Variants in ADCY8 observed in about 807,000 individuals in gnomAD.
The protein encoded by ADCY8 is adenylate cyclase type 8.
Under a neutral mutation model 119.7 loss-of-function variants are expected in ADCY8, and 51 were observed. The ratio of observed to expected loss-of-function variants is 0.43; its 90% confidence interval spans 0.34 to 0.54. The LOEUF is 0.54. Among genes scored for constraint, ADCY8 ranks in the 20% least tolerant of loss-of-function variants. The pLI is 0.03. For synonymous variants in ADCY8, 665 were observed against 651.0 expected (o/e 1.02, Z -0.33); for missense variants, 1,383 against 1,598.8 (o/e 0.87, Z 2.30).
chr8:130,841,369 G>A (rs1817136485), intron 11 of ADCY8, among the ~76,000 whole-genome samples: 1 of 152,082 alleles, frequency 6.6e-6, no homozygotes, highest in African/African-American at 2.4e-5. Context: ...AGATATTCTG[G>A]CTTGGGAGAT....
At chr8:130,945,837 G>A (rs2130645210) in intron 3 of ADCY8, among the ~76,000 whole-genome samples, 1 of 152,334 alleles carries the variant, frequency 6.6e-6, no homozygotes, top group Non-Finnish European at 1.5e-5. Flanking sequence ...AATGCTCTGA[G>A]AGCCCTACAT....
intron 5 of ADCY8, among the ~76,000 whole-genome samples, chr8:130,916,369 G>T (rs1290478154): frequency 6.6e-6 from 1 of 152,158 alleles, no homozygotes; most frequent in African/African-American, 2.4e-5. Flanking sequence ...GACTGCCATT[G>T]TGGTGGCCAT....
At chr8:130,882,223 T>C (rs1818804308) in intron 8 of ADCY8, among the ~76,000 whole-genome samples, 1 of 151,562 alleles carries the variant, frequency 6.6e-6, no homozygotes, top group South Asian at 2.1e-4. Flanking sequence ...GATTTTGAGA[T>C]CTAAGATCTC....
At chr8:131,039,041 C>T (rs561453057) in intron 1 of ADCY8, among the ~76,000 whole-genome samples, 3 of 152,294 alleles carry the variant, frequency 2.0e-5, no homozygotes, top group South Asian at 4.1e-4. Flanking sequence ...GATGCTTCTC[C>T]TCCCCTTCTG....
At chr8:130,793,413 C>T (rs1815484104) in intron 15 of ADCY8, among the ~76,000 whole-genome samples, 1 of 152,178 alleles carries the variant, frequency 6.6e-6, no homozygotes, top group Non-Finnish European at 1.5e-5. Flanking sequence ...TCCAAACCTT[C>T]CTTCCCATGT....
At chr8:130,955,596 A>G (rs752358815) in intron 2 of ADCY8, among the ~76,000 whole-genome samples, 1 of 152,182 alleles carries the variant, frequency 6.6e-6, no homozygotes, top group Non-Finnish European at 1.5e-5. Flanking sequence ...AAAACAGAAT[A>G]GTACAGTTAA....
intron 5 of ADCY8, among the ~76,000 whole-genome samples, chr8:130,918,354 A>C (rs1820193776): frequency 6.6e-6 from 1 of 152,158 alleles, no homozygotes; most frequent in Non-Finnish European, 1.5e-5. Flanking sequence ...TCTTCTAATA[A>C]GGGCACTAAG....
chr8:130,916,422 C>G (rs1309129436), intron 5 of ADCY8, among the ~76,000 whole-genome samples: 2 of 152,210 alleles, frequency 1.3e-5, no homozygotes, highest in East Asian at 3.8e-4. Flanking sequence ...TCTATTGCCT[C>G]TGCTGGACTT....
At chr8:131,031,316 T>C (rs1204916118) in intron 1 of ADCY8, among the ~76,000 whole-genome samples, 2 of 152,224 alleles carry the variant, frequency 1.3e-5, no homozygotes, top group Non-Finnish European at 2.9e-5. Context: ...TTTCTCCTGC[T>C]TTAATGGCTA....
chr8:131,011,858 A>G (rs1823317467), intron 1 of ADCY8, among the ~76,000 whole-genome samples: 1 of 152,158 alleles, frequency 6.6e-6, no homozygotes, highest in African/African-American at 2.4e-5. Context: ...GTGCAGCTGA[A>G]GAGCCATCTT....
chr8:130,798,785 A>T (rs896489359), intron 15 of ADCY8, among the ~76,000 whole-genome samples: 7 of 152,132 alleles, frequency 4.6e-5, no homozygotes, highest in Non-Finnish European at 8.8e-5. Flanking sequence ...AAAGTTGATG[A>T]GATGTCTGCA....
intron 6 of ADCY8, among the ~76,000 whole-genome samples, chr8:130,904,512 A>C (rs1305163319): frequency 6.6e-6 from 1 of 152,154 alleles, no homozygotes; most frequent in Non-Finnish European, 1.5e-5. Flanking sequence ...ATCTTCATGT[A>C]TTTGTAACTT....
At chr8:130,962,027 T>C (rs1446888480) in intron 2 of ADCY8, among the ~76,000 whole-genome samples, 2 of 152,172 alleles carry the variant, frequency 1.3e-5, no homozygotes, top group Non-Finnish European at 2.9e-5. Flanking sequence ...ACTCATTAGA[T>C]CCTCAAGTCA....
intron 2 of ADCY8, among the ~76,000 whole-genome samples, chr8:130,977,395 A>G (rs929016410): frequency 3.9e-5 from 6 of 152,200 alleles, no homozygotes; most frequent in Admixed American, 3.3e-4. Context: ...TGAATCATCC[A>G]TAAGGTGTAA....
chr8:130,928,138 G>A (rs1820527334), intron 5 of ADCY8, among the ~76,000 whole-genome samples: 1 of 152,128 alleles, frequency 6.6e-6, no homozygotes, highest in African/African-American at 2.4e-5. Flanking sequence ...GAATACAGTG[G>A]TGCTAACACA....
chr8:130,861,048 C>A (rs1165928647), intron 9 of ADCY8, among the ~76,000 whole-genome samples: 3 of 152,150 alleles, frequency 2.0e-5, no homozygotes, highest in Non-Finnish European at 2.9e-5. Flanking sequence ...TGGGGCTTTT[C>A]TTTCTGTTCT....
rs142528577 is a variant in ADCY8 at position 130,845,433 on chromosome 8, G to A, written c.2502+1991C>T. 1.7e-3 allele frequency among the ~76,000 whole-genome samples: 256 copies of A among 152,286 alleles called. 1 individual carries two copies. Among genetic ancestry groups the A allele is most frequent in the African/African-American group, 6.0e-3 (250 of 41,558 alleles). On this transcript the variant is annotated intron_variant, in intron 11 of 17. Coordinates refer to ENST00000286355, the MANE Select transcript of ADCY8 (RefSeq NM_001115.3). ...TTAATTTTCTCATTTTACAGATGAG[G>A]AAACTGAGGTCCAGAGAGGGTAAGA... is the stretch of plus-strand genomic sequence containing the variant.
rs946490375 is a variant in ADCY8 at position 130,883,293 on chromosome 8, C to T, written c.2109+1271G>A. Among the ~76,000 whole-genome samples, 8 of 152,052 alleles carry T rather than the reference C, an allele frequency of 5.3e-5. No homozygotes were observed. In the East Asian group the frequency reaches 1.2e-3, roughly 22 times the overall value. Reference sequence around the variant, plus strand: ...ATCCTAGCTTCTTCAATGCAGTAACCGGGAAAGAAAATGTATTTAATTTGG... The same window carrying T: ...ATCCTAGCTTCTTCAATGCAGTAACTGGGAAAGAAAATGTATTTAATTTGG... On this transcript the variant is annotated intron_variant, in intron 8 of 17. Transcript: ENST00000286355.
chr8:130,834,810 A>ATG (rs945964238), intron 12 of ADCY8, among the ~76,000 whole-genome samples: 2 of 152,138 alleles, frequency 1.3e-5, no homozygotes, highest in African/African-American at 4.8e-5. Flanking sequence ...ATGTAAATAT[A>ATG]TGTGTGTGTT....
Sources: allele counts gnomAD v4.1 joint callset (sites outside exome capture counted in the v4.1 genomes callset), GRCh38; gene constraint gnomAD v4.1.1; transcripts MANE v1.5; gene names NCBI Gene and HGNC (gene_info 2026-07-23, HGNC 2026-07-21).